The following WWOX variants were observed in gnomAD, a reference collection of about 807,000 sequenced individuals.
The protein encoded by WWOX is WW domain-containing oxidoreductase.
Under a neutral mutation model 46.2 loss-of-function variants are expected in WWOX, and 69 were observed. That is an observed-to-expected ratio of 1.49 (90% CI 1.23 to 1.82). The LOEUF (loss-of-function observed/expected upper bound fraction) is 1.82. Among genes scored for constraint, WWOX ranks in the 40% most tolerant of loss-of-function variants. The pLI is 0.00. For missense variants in WWOX, 919 were observed against 542.6 expected (o/e 1.69, Z -6.89); for synonymous variants, 359 against 202.6 (o/e 1.77, Z -6.56).
chr16:79,029,194 AGAT>A lies in WWOX; in HGVS notation c.1057-182412_1057-182410del, dbSNP rs546815002. ...GGCCCCAGGCTGGGACTTTGGGTAC[AGAT>A]GCACAGGAGACCTTTGCCCCACCCC... On this transcript the variant is annotated intron_variant, in intron 8 of 8. Coordinates refer to ENST00000566780, the MANE Select transcript of WWOX (RefSeq NM_016373.4). 1.4e-4 allele frequency among the ~76,000 whole-genome samples: 21 copies of A among 152,290 alleles called. No homozygotes were observed. In the South Asian group the frequency reaches 4.4e-3, roughly 32 times the overall value.
chr16:78,676,629 G>C (rs1235999227), intron 8 of WWOX, among the ~76,000 whole-genome samples: 10 of 152,076 alleles, frequency 6.6e-5, no homozygotes, highest in Non-Finnish European at 1.3e-4. Flanking sequence ...GTGCTGTCAG[G>C]GGCTGGATGT....
chr16:79,086,013 A>T (rs1268215194), intron 8 of WWOX, among the ~76,000 whole-genome samples: 2 of 152,096 alleles, frequency 1.3e-5, no homozygotes, highest in African/African-American at 2.4e-5. Flanking sequence ...TTGAGGCTGC[A>T]GTGAGCCATG....
At chr16:78,604,423 G>C (rs1418519429) in intron 8 of WWOX, among the ~76,000 whole-genome samples, 1 of 152,096 alleles carries the variant, frequency 6.6e-6, no homozygotes, top group Non-Finnish European at 1.5e-5. Context: ...CAAGCACGGT[G>C]CTGAGTGATG....
At chr16:78,289,867 A>C (rs2079831312) in intron 5 of WWOX, among the ~76,000 whole-genome samples, 1 of 136,166 alleles carries the variant, frequency 7.3e-6, no homozygotes, top group South Asian at 2.3e-4. Flanking sequence ...ACTGGCCTAC[A>C]GTGTCAGTAC....
At chr16:78,523,073 A>C (rs79873829) in intron 8 of WWOX, among the ~76,000 whole-genome samples, 64 of 152,256 alleles carry the variant, frequency 4.2e-4, no homozygotes, top group East Asian at 9.7e-4. Context: ...CCCATCCCCC[A>C]AAAAAATAAA....
At chr16:78,665,539 C>T (rs1230612168) in intron 8 of WWOX, among the ~76,000 whole-genome samples, 1 of 152,058 alleles carries the variant, frequency 6.6e-6, no homozygotes, top group Admixed American at 6.6e-5. Flanking sequence ...TTAACAGATT[C>T]CAGCCTGCTG....
chr16:79,207,107 G>C (rs2051539574), intron 8 of WWOX, among the ~76,000 whole-genome samples: 1 of 152,204 alleles, frequency 6.6e-6, no homozygotes, highest in Non-Finnish European at 1.5e-5. Flanking sequence ...GACAGGGCGT[G>C]TAGACGGCCA....
chr16:79,092,566 A>T (rs984473460), intron 8 of WWOX, among the ~76,000 whole-genome samples: 2 of 152,200 alleles, frequency 1.3e-5, no homozygotes, highest in African/African-American at 4.8e-5. Flanking sequence ...AAAGGCCAGC[A>T]GCCACGTTCC....
chr16:78,163,631 A>C (rs564005806), intron 4 of WWOX, among the ~76,000 whole-genome samples: 1 of 152,276 alleles, frequency 6.6e-6, no homozygotes, highest in East Asian at 1.9e-4. Flanking sequence ...TCAAACAGAT[A>C]TGGGTGTGTA....
chr16:78,996,519 T>C (rs1186708773), intron 8 of WWOX, among the ~76,000 whole-genome samples: 1 of 151,976 alleles, frequency 6.6e-6, no homozygotes, highest in Non-Finnish European at 1.5e-5. Context: ...CCTTTCCCTC[T>C]CTCTCCACAC....
At chr16:78,994,689 G>T (rs780792673) in intron 8 of WWOX, among the ~76,000 whole-genome samples, 1 of 152,110 alleles carries the variant, frequency 6.6e-6, no homozygotes, top group African/African-American at 2.4e-5. Flanking sequence ...AATAGACAGT[G>T]GGGGGTGGAA....
intron 8 of WWOX, among the ~76,000 whole-genome samples, chr16:79,147,574 G>T (rs978670837): frequency 6.6e-6 from 1 of 152,190 alleles, no homozygotes; most frequent in African/African-American, 2.4e-5. Context: ...AAGTGTTTGT[G>T]TAAATAGAAG....
chr16:79,051,399 G>T (rs1473236161), intron 8 of WWOX, among the ~76,000 whole-genome samples: 3 of 152,202 alleles, frequency 2.0e-5, no homozygotes, highest in Non-Finnish European at 4.4e-5. Flanking sequence ...CCTCCAAGTG[G>T]TAATTCAGGA....
At chr16:78,725,858 C>T (rs2048817860) in intron 8 of WWOX, among the ~76,000 whole-genome samples, 1 of 152,068 alleles carries the variant, frequency 6.6e-6, no homozygotes, top group African/African-American at 2.4e-5. Context: ...TCACTCCAAT[C>T]TGCCTTTGTC....
intron 6 of WWOX, among the ~76,000 whole-genome samples, chr16:78,413,095 G>T (rs1350266133): frequency 2.0e-5 from 3 of 152,176 alleles, no homozygotes; most frequent in African/African-American, 7.2e-5. Flanking sequence ...GGACAGAGCT[G>T]ATTTATCAAG....
At chr16:78,894,363 C>A (rs147106344) in intron 8 of WWOX, among the ~76,000 whole-genome samples, 1 of 152,144 alleles carries the variant, frequency 6.6e-6, no homozygotes, top group Admixed American at 6.5e-5. Flanking sequence ...AAAGGATACA[C>A]CTCCAAGTAT....
intron 8 of WWOX, among the ~76,000 whole-genome samples, chr16:78,657,312 G>A (rs972857625): frequency 6.6e-6 from 1 of 152,130 alleles, no homozygotes; most frequent in African/African-American, 2.4e-5. Context: ...TTAACCCACA[G>A]ATGGGAAGAA....
chr16:78,364,655 G>GACGTTT (rs74276285), intron 5 of WWOX, among the ~76,000 whole-genome samples: 1 of 140,998 alleles, frequency 7.1e-6, no homozygotes, highest in Non-Finnish European at 1.5e-5. Flanking sequence ...GTTTGTGGGT[G>GACGTTT]CTCTTTCTCT....
At chr16:78,647,802 G>A (rs952206955) in intron 8 of WWOX, among the ~76,000 whole-genome samples, 7 of 152,156 alleles carry the variant, frequency 4.6e-5, no homozygotes, top group African/African-American at 1.7e-4. Context: ...AGCCACAAAC[G>A]TGTTAGCTAA....
Sources: allele counts gnomAD v4.1 joint callset (sites outside exome capture counted in the v4.1 genomes callset), GRCh38; gene constraint gnomAD v4.1.1; transcripts MANE v1.5; gene names NCBI Gene and HGNC (gene_info 2026-07-23, HGNC 2026-07-21).